Variants in TPO observed in about 807,000 individuals in gnomAD.
TPO encodes the protein thyroid microsomal antigen.
TPO carries 78 observed loss-of-function variants against 96.9 expected under a neutral mutation model. The ratio of observed to expected loss-of-function variants is 0.81; its 90% CI spans 0.67 to 0.97. TPO has a LOEUF of 0.97. TPO is among the 50% of genes least tolerant of loss of function. TPO has a pLI of 0.00. For missense variants in TPO, 1,252 were observed against 1,274.8 expected (o/e 0.98, Z 0.27); for synonymous variants, 547 against 538.0 (o/e 1.02, Z -0.23).
chr2:1,442,601 T>G (rs1226996214), intron 5 of TPO, among the ~76,000 whole-genome samples: 1 of 152,250 alleles, frequency 6.6e-6, no homozygotes, highest in African/African-American at 2.4e-5. Context: ...CTGTGTGTTC[T>G]TGAGAAAGTG....
At chr2:1,414,646 T>C (rs1399071750) in intron 2 of TPO, 144 bp downstream of exon 2, 3 of 710,198 alleles carry the variant, frequency 4.2e-6, no homozygotes, top group Non-Finnish European at 7.3e-6. Context: ...AAAAAAATTG[T>C]AATTCTTGAT....
intron 15 of TPO, 115 bp from the exon 16 acceptor site, chr2:1,540,479 G>A (rs1451241715): frequency 4.4e-6 from 7 of 1,595,480 alleles, no homozygotes; most frequent in Admixed American, 3.3e-5. Flanking sequence ...GTGGGTTGGA[G>A]TGTTCCTGCC....
chr2:1,451,770 A>G (rs1166387786), intron 5 of TPO, among the ~76,000 whole-genome samples: 3 of 151,986 alleles, frequency 2.0e-5, no homozygotes, highest in African/African-American at 7.3e-5. Context: ...TTTTTAACAA[A>G]AGGAACCTAC....
chr2:1,381,394 A>G (rs1016486457), intron 1 of TPO, among the ~76,000 whole-genome samples: 1 of 152,214 alleles, frequency 6.6e-6, no homozygotes, highest in Non-Finnish European at 1.5e-5. Flanking sequence ...GCCAAAGGAC[A>G]TATGAAAAGA....
intron 1 of TPO, among the ~76,000 whole-genome samples, chr2:1,408,406 A>G (rs1361033525): frequency 6.6e-6 from 1 of 152,044 alleles, no homozygotes; most frequent in Non-Finnish European, 1.5e-5. Flanking sequence ...ACGTGGGGAG[A>G]GCATCCTCAC....
At chr2:1,402,800 G>C (rs555039461) in intron 1 of TPO, among the ~76,000 whole-genome samples, 58 of 152,240 alleles carry the variant, frequency 3.8e-4, no homozygotes, top group Middle Eastern at 3.4e-3. Context: ...GGAATTATGG[G>C]AGCTACAATT....
At chr2:1,455,558 G>A (rs1391865007) in intron 6 of TPO, among the ~76,000 whole-genome samples, 1 of 152,216 alleles carries the variant, frequency 6.6e-6, no homozygotes, top group Non-Finnish European at 1.5e-5. Flanking sequence ...CAGATGCCCT[G>A]GCGGAACGGT....
At chr2:1,537,700 TCCCAACTGTGAGCGACCTCCCCAAATCC>T (rs1558442277) in intron 15 of TPO, among the ~76,000 whole-genome samples, 2 of 78,818 alleles carry the variant, frequency 2.5e-5, no homozygotes, top group Non-Finnish European at 4.7e-5. Context: ...CCTCCTCAAA[TCCCAACTGTGAGCGACCTCCCCAAATCC>T]CCCAACTGTC....
At chr2:1,434,208 T>G (rs1514688) in intron 4 of TPO, among the ~76,000 whole-genome samples, 130,250 of 151,800 alleles carry the variant, frequency 0.86, 56,110 homozygotes, top group South Asian at 0.94. Context: ...AATGCAGGCA[T>G]TCAAAAGTCA....
chr2:1,386,704 C>T (rs1393730035), intron 1 of TPO, among the ~76,000 whole-genome samples: 3 of 152,118 alleles, frequency 2.0e-5, no homozygotes, highest in African/African-American at 4.8e-5. Flanking sequence ...GCATTTAGCC[C>T]ATTTACATTT....
At chr2:1,466,077 A>G (rs1051420096) in intron 7 of TPO, among the ~76,000 whole-genome samples, 4 of 152,108 alleles carry the variant, frequency 2.6e-5, no homozygotes, top group Admixed American at 2.0e-4. Flanking sequence ...TTGTATGCCA[A>G]TTTTGCTGAG....
chr2:1,433,380 A>G, intron 3 of TPO, 58 bp from the exon 4 acceptor site: 1 of 1,597,148 alleles, frequency 6.3e-7, no homozygotes, highest in Non-Finnish European at 8.6e-7. Flanking sequence ...ATTAGTAATT[A>G]AGTACCAAAG....
At chr2:1,470,010 C>A (rs547861052) in intron 7 of TPO, among the ~76,000 whole-genome samples, 267 of 152,290 alleles carry the variant, frequency 1.8e-3, no homozygotes, top group African/African-American at 6.0e-3. Flanking sequence ...ACAAAAAATC[C>A]TCCTCATGTT....
intron 5 of TPO, among the ~76,000 whole-genome samples, chr2:1,452,911 C>G (rs553273018): frequency 1.1e-4 from 16 of 152,188 alleles, no homozygotes; most frequent in Non-Finnish European, 2.1e-4. Flanking sequence ...AGTGTGAAAT[C>G]AAAATATTCA....
rs560389515 is a variant in TPO at position 1,531,953 on chromosome 2, C to T, written c.2619-8641C>T. Among the ~76,000 whole-genome samples the T allele has an allele frequency of 7.5e-3, 440 of 59,028 alleles. 2 individuals are homozygous for T. Among genetic ancestry groups the T allele is most frequent in the Non-Finnish European group, 8.7e-3 (251 of 28,840 alleles). 38.7% of individuals were successfully genotyped at this position (59,028 alleles called of 152,430 possible). ...GCAACCTCCTCAAATCCCCCCACTG[C>T]GAGCAACCTCCTCAAATCTCCCCAC... On this transcript the variant is annotated intron_variant, in intron 15 of 16. Coordinates refer to ENST00000329066, the MANE Select transcript of TPO (RefSeq NM_001206744.2).
intron 2 of TPO, among the ~76,000 whole-genome samples, chr2:1,415,655 G>A (rs181191628): frequency 6.6e-6 from 1 of 151,842 alleles, no homozygotes; most frequent in African/African-American, 2.4e-5. Context: ...CCTGGAGCAG[G>A]TGACACCTTG....
rs1345812685 is a variant in TPO at position 1,477,418 on chromosome 2, G to C, written c.1152G>C (p.Glu384Asp). 6.6e-7 allele frequency: 1 copy of C among 1,524,736 alleles called. No homozygotes were observed. Among genetic ancestry groups the C allele is most frequent in the Non-Finnish European group, 8.8e-7 (1 of 1,139,830 alleles). 94.5% of individuals were successfully genotyped at this position (1,524,736 alleles called of 1,614,324 possible). ...CGCCCGAGCCCGGCATCCCCGGAGA[G>C]ACCCGCGGGCCCTGCTTCCTGGCCG... is the stretch of plus-strand genomic sequence containing the variant. Reference protein sequence around the residue: ...ACAPEPGIPGETRGPCFLAGD... With the variant: ...ACAPEPGIPGDTRGPCFLAGD... The change falls in exon 8 of 17, where the codon GAG becomes GAC. Residue 384 changes from glutamate (E) to aspartate (D), a missense_variant. Transcript: ENST00000329066.
At chr2:1,453,924 G>A (rs1667552284) in intron 6 of TPO, 101 bp downstream of exon 6, 10 of 1,536,762 alleles carry the variant, frequency 6.5e-6, no homozygotes, top group Non-Finnish European at 8.9e-6. Context: ...GCTGGGTGCT[G>A]CGTGCAATCC....
intron 15 of TPO, among the ~76,000 whole-genome samples, chr2:1,524,428 AC>A (rs1195213726): frequency 9.1e-5 from 2 of 22,086 alleles, no homozygotes; most frequent in Non-Finnish European, 1.6e-4. Context: ...ATTGTGTGCA[AC>A]CCCCCCAAAT....
Sources: gnomAD v4.1 joint callset for allele counts (sites outside exome capture counted in the v4.1 genomes callset) on GRCh38, gnomAD v4.1.1 for gene constraint, MANE v1.5 for transcripts, NCBI Gene and HGNC (gene_info 2026-07-23, HGNC 2026-07-21) for gene names.